Variants in UBE2L3 observed in about 807,000 individuals in gnomAD.
UBE2L3 encodes the protein ubiquitin conjugating enzyme E2 L3.
UBE2L3 carries 1 observed loss-of-function variant against 17.8 expected under a neutral mutation model. That is an observed-to-expected ratio of 0.06 (90% CI 0.02 to 0.27). UBE2L3 has a LOEUF of 0.27. Among genes scored for constraint, UBE2L3 ranks in the 10% least tolerant of loss-of-function variants. The pLI, the probability that UBE2L3 is intolerant of heterozygous loss-of-function variation, is 1.00. For synonymous variants in UBE2L3, 44 were observed against 68.5 expected (o/e 0.64, Z 1.76); for missense variants, 40 against 192.6 (o/e 0.21, Z 4.69).
chr22:21,612,462 A>T (rs905723089), intron 3 of UBE2L3, among the ~76,000 whole-genome samples: 2 of 151,426 alleles, frequency 1.3e-5, no homozygotes, highest in East Asian at 1.9e-4. Context: ...AGTAGCTGGG[A>T]CTACAGGCAC....
At chr22:21,582,986 A>AT (rs1418512942) in intron 1 of UBE2L3, among the ~76,000 whole-genome samples, 1 of 152,052 alleles carries the variant, frequency 6.6e-6, no homozygotes, top group Non-Finnish European at 1.5e-5. Flanking sequence ...CCCTGTACCC[A>AT]TCTAAGCCCT....
At chr22:21,577,185 G>A (rs1005315710) in intron 1 of UBE2L3, among the ~76,000 whole-genome samples, 2 of 151,362 alleles carry the variant, frequency 1.3e-5, no homozygotes, top group East Asian at 2.0e-4. Context: ...AGCCAGGATG[G>A]TCTCGATCTC....
intron 1 of UBE2L3, among the ~76,000 whole-genome samples, chr22:21,572,350 G>T (rs1196622349): frequency 2.1e-5 from 3 of 145,548 alleles, no homozygotes; most frequent in South Asian, 2.2e-4. Context: ...CAGGAGAATT[G>T]CTTGAACCCG....
At chr22:21,609,245 A>G (rs1929347314) in intron 2 of UBE2L3, among the ~76,000 whole-genome samples, 1 of 152,202 alleles carries the variant, frequency 6.6e-6, no homozygotes, top group African/African-American at 2.4e-5. Flanking sequence ...GGATCCAGCA[A>G]TTACATTCCT....
intron 2 of UBE2L3, among the ~76,000 whole-genome samples, chr22:21,605,975 G>A (rs192550936): frequency 4.1e-3 from 631 of 152,292 alleles, no homozygotes; most frequent in Non-Finnish European, 6.8e-3. Flanking sequence ...AGCCAAATCT[G>A]CTTCTCTTGA....
chr22:21,617,003 G>A lies in UBE2L3; in HGVS notation c.311-4512G>A, dbSNP rs75599322. ...AGGCGGGCAGATCACGAGGTCAGGAGATCGAGACCATCCTGGCTAACACGG... is the reference window on the plus strand; with the variant it reads ...AGGCGGGCAGATCACGAGGTCAGGAAATCGAGACCATCCTGGCTAACACGG... On this transcript the variant is annotated intron_variant, in intron 3 of 3. Transcript: ENST00000342192. Among the ~76,000 whole-genome samples the A allele has an allele frequency of 0.012, 1,896 of 152,000 alleles. 95 individuals carry two copies. The South Asian group carries it at 0.13, about 10-fold the overall frequency.
At chr22:21,573,658 G>T (rs1184687562) in intron 1 of UBE2L3, among the ~76,000 whole-genome samples, 1 of 152,148 alleles carries the variant, frequency 6.6e-6, no homozygotes, top group African/African-American at 2.4e-5. Flanking sequence ...CGGACTGGGT[G>T]GCCAGTGAGG....
intron 3 of UBE2L3, among the ~76,000 whole-genome samples, chr22:21,616,609 G>A (rs971357304): frequency 6.7e-6 from 1 of 150,054 alleles, no homozygotes; most frequent in East Asian, 2.0e-4. Flanking sequence ...CTGAGATCAC[G>A]CTACTGCACT....
rs896921588 is a variant in UBE2L3 at position 21,621,822 on chromosome 22, A to G, written c.*153A>G. ...TAACTTTCTACAGTTTTCTTAATCA[A>G]AAGTGGTCTAGGTAACCTGTAAAGA... On this transcript the variant is annotated 3_prime_UTR_variant, in exon 4 of 4. Coordinates refer to ENST00000342192, the MANE Select transcript of UBE2L3 (RefSeq NM_003347.4). 4 of 605,606 alleles carry G rather than the reference A, an allele frequency of 6.6e-6. No homozygotes were observed. The African/African-American group carries it at 7.5e-5, about 11-fold the overall frequency. The allele number at this position is 605,606 out of a possible 1,614,324, so 37.5% of individuals were successfully genotyped here.
chr22:21,592,846 T>C lies in UBE2L3; in HGVS notation c.28-15T>C. 1 of 1,606,260 alleles carries C rather than the reference T, an allele frequency of 6.2e-7. No individual in the cohort carries two copies. Among genetic ancestry groups the C allele is most frequent in the Non-Finnish European group, 8.5e-7 (1 of 1,174,332 alleles). Reference sequence around the variant, plus strand: ...TCCCCTATTTGACACCCCTTTATGCTTTGTCAATCAACAGGAGCTTGAAGA... The same window carrying C: ...TCCCCTATTTGACACCCCTTTATGCCTTGTCAATCAACAGGAGCTTGAAGA... On this transcript the variant is annotated splice_polypyrimidine_tract_variant and intron_variant, in intron 1 of 3. Transcript: ENST00000342192.
rs1197620688 is a variant in UBE2L3 at position 21,578,842 on chromosome 22, A to AGG, written c.27+11072_27+11073insGG. On this transcript the variant is annotated intron_variant, in intron 1 of 3. Coordinates refer to ENST00000342192, the MANE Select transcript of UBE2L3 (RefSeq NM_003347.4). ...AGAAGCACTGTGCTGTGATAGAGTA[A>AGG]GAGTTCAGATGTAGATTTCTGCCTT... Among the ~76,000 whole-genome samples the AGG allele has an allele frequency of 2.6e-5, 4 of 152,128 alleles. No homozygotes were observed. The East Asian group carries it at 7.7e-4, about 29-fold the overall frequency.
chr22:21,581,290 C>A (rs563174563), intron 1 of UBE2L3, among the ~76,000 whole-genome samples: 1 of 151,640 alleles, frequency 6.6e-6, no homozygotes, highest in Admixed American at 6.6e-5. Flanking sequence ...CCCCTGGGCT[C>A]AAGCAGTCCA....
At position 21,616,794 on chromosome 22, in the gene UBE2L3, A is replaced by G. The variant is rs550867820; in HGVS notation, c.311-4721A>G. Among the ~76,000 whole-genome samples the G allele has an allele frequency of 3.9e-5, 6 of 152,038 alleles. No individual in the cohort carries two copies. In the South Asian group the frequency reaches 1.0e-3, roughly 26 times the overall value. On this transcript the variant is annotated intron_variant, in intron 3 of 3. Transcript: ENST00000342192. Reference sequence around the variant, plus strand: ...TCCATGGAAGGCTACAACATTGCATATCTTTTTGGGTTGAAGGTACATTGA... The same window carrying G: ...TCCATGGAAGGCTACAACATTGCATGTCTTTTTGGGTTGAAGGTACATTGA...
chr22:21,583,020 T>G (rs1927731679), intron 1 of UBE2L3, among the ~76,000 whole-genome samples: 1 of 152,006 alleles, frequency 6.6e-6, no homozygotes, highest in Non-Finnish European at 1.5e-5. Context: ...TGCATAGGGG[T>G]ATTAAACAGC....
At position 21,623,853 on chromosome 22, in the gene UBE2L3, G is replaced by A. The variant is rs998558951; in HGVS notation, c.*2184G>A. ...AAGCTGGGTCCTCTGGAGGAGGGGCGAGCTGTGGAGCAGCCACCCACTGCT... is the reference window on the plus strand; with the variant it reads ...AAGCTGGGTCCTCTGGAGGAGGGGCAAGCTGTGGAGCAGCCACCCACTGCT... On this transcript the variant is annotated 3_prime_UTR_variant, in exon 4 of 4. Transcript: ENST00000342192. 2 of 152,458 alleles carry A rather than the reference G, an allele frequency of 1.3e-5. No homozygotes were observed. The highest frequency in any genetic ancestry group is 4.8e-5 in the African/African-American group (2 of 41,472). The allele number at this position is 152,458 out of a possible 1,614,324, so 9.4% of individuals were successfully genotyped here.
At chr22:21,594,250 A>G (rs1010928223) in intron 2 of UBE2L3, among the ~76,000 whole-genome samples, 2 of 152,226 alleles carry the variant, frequency 1.3e-5, no homozygotes, top group Admixed American at 1.3e-4. Flanking sequence ...AAAGCAGAGC[A>G]TGGAGCATGC....
At chr22:21,582,143 CAAAA>C (rs547252520) in intron 1 of UBE2L3, among the ~76,000 whole-genome samples, 2,996 of 136,442 alleles carry the variant, frequency 0.022, 47 homozygotes, top group Non-Finnish European at 0.03. Context: ...AAAAAACAAA[CAAAA>C]AAAAAAACAG....
At chr22:21,598,295 ATTGAT>A (rs1469213545) in intron 2 of UBE2L3, among the ~76,000 whole-genome samples, 2 of 150,448 alleles carry the variant, frequency 1.3e-5, no homozygotes, top group African/African-American at 4.9e-5. Context: ...CAGTTAGATT[ATTGAT>A]TTCAGACTTG....
At chr22:21,586,062 A>C (rs960462716) in intron 1 of UBE2L3, among the ~76,000 whole-genome samples, 2 of 151,946 alleles carry the variant, frequency 1.3e-5, no homozygotes, top group African/African-American at 2.4e-5. Flanking sequence ...CAGCCTCCTG[A>C]GTAGCTGGGA....
Sources: gnomAD v4.1 joint callset for allele counts (sites outside exome capture counted in the v4.1 genomes callset) on GRCh38, gnomAD v4.1.1 for gene constraint, MANE v1.5 for transcripts, NCBI Gene and HGNC (gene_info 2026-07-23, HGNC 2026-07-21) for gene names.